The following PRKG1 variants were observed in gnomAD, a reference collection of about 807,000 sequenced individuals.
PRKG1 encodes the protein cGMP-dependent protein kinase 1.
In PRKG1, 35 loss-of-function variants were observed where a neutral mutation model predicts 88.1. The ratio of observed to expected loss-of-function variants is 0.40; its 90% CI spans 0.30 to 0.53. The LOEUF (loss-of-function observed/expected upper bound fraction) is 0.53. Among genes scored for constraint, PRKG1 ranks in the 20% least tolerant of loss-of-function variants. The pLI is 0.59. For missense variants in PRKG1, 540 were observed against 839.8 expected (o/e 0.64, Z 4.41); for synonymous variants, 303 against 292.5 (o/e 1.04, Z -0.37).
chr10:52,166,839 G>GTATATATATATATATATATATGTATA (rs375678645), intron 9 of PRKG1, among the ~76,000 whole-genome samples: 2 of 90,482 alleles, frequency 2.2e-5, no homozygotes, highest in African/African-American at 4.7e-5. Flanking sequence ...GTATATATAT[G>GTATATATATATATATATATATGTATA]TATATATATG....
At chr10:51,241,262 G>A (rs570705826) in intron 2 of PRKG1, among the ~76,000 whole-genome samples, 2 of 151,498 alleles carry the variant, frequency 1.3e-5, no homozygotes, top group South Asian at 2.1e-4. Flanking sequence ...TAGTCACGGC[G>A]TCATGGCACA....
Position 50,991,588 on chromosome 10 carries a change from G to A in PRKG1, c.210G>A (p.Thr70=), listed in dbSNP as rs374413281. The A allele has an allele frequency of 4.4e-6, 7 of 1,594,794 alleles. No individual in the cohort carries two copies. The highest frequency in any genetic ancestry group is 5.1e-6 in the Non-Finnish European group (6 of 1,171,926). ...AGGGCATCTCGGCCGAGCCGCAGAC[G>A]TACAGGTCCTTCCACGACCTCCGAC... The change falls in exon 1 of 18, where the codon ACG becomes ACA. Residue 70 remains threonine (T), a synonymous_variant. Coordinates refer to the PRKG1 transcript ENST00000401604. This position sits in a 1 kb window ranked among gnomAD's most constrained non-coding sequence, Gnocchi z 4.5.
chr10:51,156,314 A>AC (rs60689292), intron 2 of PRKG1, among the ~76,000 whole-genome samples: 3,420 of 147,104 alleles, frequency 0.023, 57 homozygotes, highest in Middle Eastern at 0.054. Flanking sequence ...CACACACACA[A>AC]ACACACACAC....
At chr10:51,813,848 T>A (rs1839518319) in intron 4 of PRKG1, among the ~76,000 whole-genome samples, 1 of 152,136 alleles carries the variant, frequency 6.6e-6, no homozygotes, top group Non-Finnish European at 1.5e-5. Context: ...CTCAGTAGTA[T>A]TTTCCCTTCC....
At chr10:51,047,226 T>C (rs1276089949) in intron 1 of PRKG1, among the ~76,000 whole-genome samples, 1 of 152,182 alleles carries the variant, frequency 6.6e-6, no homozygotes, top group African/African-American at 2.4e-5. Context: ...CAATGGAGCA[T>C]AATGGTTAAA....
chr10:51,691,063 T>C (rs1841129204), intron 3 of PRKG1, among the ~76,000 whole-genome samples: 1 of 151,076 alleles, frequency 6.6e-6, no homozygotes, highest in Non-Finnish European at 1.5e-5. Flanking sequence ...ATGTTTTCAT[T>C]GAAAAAGAAG....
intron 5 of PRKG1, among the ~76,000 whole-genome samples, chr10:51,916,154 G>A (rs913419823): frequency 1.3e-5 from 2 of 152,088 alleles, no homozygotes; most frequent in African/African-American, 4.8e-5. Flanking sequence ...AACCTACTGG[G>A]CTGCATTCCC....
intron 2 of PRKG1, among the ~76,000 whole-genome samples, chr10:51,166,305 A>G (rs1455219815): frequency 6.6e-6 from 1 of 152,110 alleles, no homozygotes; most frequent in Admixed American, 6.5e-5. Flanking sequence ...TGCACGTGCA[A>G]ATGTTTATAC....
chr10:51,278,611 A>C (rs1391752559), intron 2 of PRKG1, among the ~76,000 whole-genome samples: 1 of 152,000 alleles, frequency 6.6e-6, no homozygotes, highest in Non-Finnish European at 1.5e-5. Context: ...GTAGGCTATT[A>C]ACTATTGCCT....
chr10:51,663,632 A>G (rs997055533), intron 3 of PRKG1, among the ~76,000 whole-genome samples: 5 of 150,032 alleles, frequency 3.3e-5, no homozygotes, highest in African/African-American at 9.8e-5. Flanking sequence ...TGACAGGATC[A>G]CTTGAGCGCA....
intron 5 of PRKG1, among the ~76,000 whole-genome samples, chr10:51,917,474 T>C (rs1564707578): frequency 2.0e-5 from 3 of 152,198 alleles, no homozygotes; most frequent in Admixed American, 1.3e-4. Context: ...ACTAAAGCTG[T>C]TATTAAAAAG....
At chr10:52,026,385 A>G (rs1845337463) in intron 5 of PRKG1, among the ~76,000 whole-genome samples, 1 of 152,208 alleles carries the variant, frequency 6.6e-6, no homozygotes, top group Non-Finnish European at 1.5e-5. Flanking sequence ...CTTAAAAAGA[A>G]GTACTGATTT....
chr10:51,288,596 A>G (rs1055736302), intron 2 of PRKG1, among the ~76,000 whole-genome samples: 1 of 152,208 alleles, frequency 6.6e-6, no homozygotes, highest in African/African-American at 2.4e-5. Flanking sequence ...GTGAATAAGA[A>G]ATGAAATTCT....
At chr10:51,685,507 CT>C (rs986756617) in intron 3 of PRKG1, among the ~76,000 whole-genome samples, 2 of 152,210 alleles carry the variant, frequency 1.3e-5, no homozygotes, top group African/African-American at 2.4e-5. Context: ...TCCACTCCCC[CT>C]AATCTTGTGG....
At chr10:52,013,660 G>C (rs1465370223) in intron 5 of PRKG1, among the ~76,000 whole-genome samples, 1 of 152,132 alleles carries the variant, frequency 6.6e-6, no homozygotes, top group Non-Finnish European at 1.5e-5. Context: ...GTGTAGAGAG[G>C]CAGTGGGAAA....
intron 5 of PRKG1, among the ~76,000 whole-genome samples, chr10:52,020,411 G>A (rs1257152866): frequency 3.3e-5 from 5 of 152,126 alleles, no homozygotes; most frequent in African/African-American, 9.7e-5. Flanking sequence ...AACTCCATAA[G>A]AGTCTATAGT....
chr10:51,671,588 C>T (rs1184009710), intron 3 of PRKG1, among the ~76,000 whole-genome samples: 67 of 148,432 alleles, frequency 4.5e-4, no homozygotes, highest in South Asian at 8.5e-4. Context: ...CTCTCTCTCT[C>T]TCTTTTTTTT....
chr10:51,173,338 A>C (rs1442719152), intron 2 of PRKG1, among the ~76,000 whole-genome samples: 1 of 152,092 alleles, frequency 6.6e-6, no homozygotes, highest in South Asian at 2.1e-4. Context: ...GAGCTTTAAA[A>C]AATTATTTGT....
intron 1 of PRKG1, among the ~76,000 whole-genome samples, chr10:51,082,498 C>G (rs1361720494): frequency 5.9e-5 from 9 of 152,148 alleles, no homozygotes; most frequent in Admixed American, 5.9e-4. Context: ...TTGGAAGCTA[C>G]ATATCAGTAA....
Sources: allele counts gnomAD v4.1 joint callset (sites outside exome capture counted in the v4.1 genomes callset), GRCh38; gene constraint gnomAD v4.1.1; non-coding constraint Gnocchi (gnomAD v3.1); transcripts MANE v1.5; gene names NCBI Gene and HGNC (gene_info 2026-07-23, HGNC 2026-07-21).